PPP2R2C: variants seen among roughly 807,000 people sequenced by gnomAD.
PPP2R2C encodes protein phosphatase 2, regulatory subunit B, gamma.
In PPP2R2C, 10 loss-of-function variants were observed where a neutral mutation model predicts 45.3. The ratio of observed to expected loss-of-function variants is 0.22; its 90% CI spans 0.14 to 0.37. The LOEUF (loss-of-function observed/expected upper bound fraction) is 0.37, where lower values mean the gene tolerates loss of function less well. Ranked by LOEUF, PPP2R2C falls within the 10% of genes least tolerant of loss-of-function variation. PPP2R2C has a pLI of 1.00. For missense variants in PPP2R2C, 308 were observed against 619.7 expected (o/e 0.50, Z 5.34); for synonymous variants, 257 against 245.4 (o/e 1.05, Z -0.44).
At chr4:6,343,729 C>G (rs1711556998) in intron 6 of PPP2R2C, among the ~76,000 whole-genome samples, 2 of 152,144 alleles carry the variant, frequency 1.3e-5, no homozygotes, top group Non-Finnish European at 1.5e-5. Context: ...AAATTCTTCT[C>G]TCCCTCAAAA....
intron 1 of PPP2R2C, among the ~76,000 whole-genome samples, chr4:6,558,168 G>A (rs934058445): frequency 2.4e-4 from 36 of 152,176 alleles, no homozygotes; most frequent in Non-Finnish European, 4.3e-4. Context: ...TCCCAACACC[G>A]AGTGAGCGCC....
chr4:6,458,882 G>A (rs879450646), intron 1 of PPP2R2C, among the ~76,000 whole-genome samples: 1 of 152,136 alleles, frequency 6.6e-6, no homozygotes, highest in Non-Finnish European at 1.5e-5. Context: ...ATGTCTGTCA[G>A]TTATAAGCAA....
chr4:6,413,826 G>C (rs1718365746), intron 1 of PPP2R2C: 1 of 1,513,394 alleles, frequency 6.6e-7, no homozygotes, highest in South Asian at 1.2e-5. Context: ...GACTGTGCCG[G>C]GGCTCCCACT....
intron 6 of PPP2R2C, among the ~76,000 whole-genome samples, chr4:6,344,251 C>T (rs1439104570): frequency 6.6e-6 from 1 of 152,252 alleles, no homozygotes; most frequent in Non-Finnish European, 1.5e-5. Context: ...TTAACGTTCA[C>T]TGCAGCCCTG....
At chr4:6,496,682 T>C (rs190477523) in intron 2 of PPP2R2C, among the ~76,000 whole-genome samples, 1 of 151,992 alleles carries the variant, frequency 6.6e-6, no homozygotes, top group East Asian at 1.9e-4. Flanking sequence ...ACCAACATGG[T>C]GAAACCCTAT....
chr4:6,405,955 C>CT (rs1359531447), intron 1 of PPP2R2C, among the ~76,000 whole-genome samples: 4 of 152,086 alleles, frequency 2.6e-5, no homozygotes, highest in Non-Finnish European at 5.9e-5. Flanking sequence ...AGGGGGGTCT[C>CT]TTTTTCCCTT....
intron 5 of PPP2R2C, chr4:6,349,340 A>G (rs986347183): frequency 6.1e-6 from 6 of 978,664 alleles, no homozygotes; most frequent in African/African-American, 5.3e-5. Flanking sequence ...GTTCCCAGCT[A>G]TCCATGCCTC....
At chr4:6,351,023 G>C in intron 5 of PPP2R2C, 1 of 985,354 alleles carries the variant, frequency 1.0e-6, no homozygotes, top group South Asian at 4.7e-5. Flanking sequence ...GTATGTAGGA[G>C]GCCAGGCACC....
intron 2 of PPP2R2C, among the ~76,000 whole-genome samples, chr4:6,533,174 T>G (rs1159914910): frequency 6.6e-6 from 1 of 152,158 alleles, no homozygotes; most frequent in Non-Finnish European, 1.5e-5. Context: ...TCTCAGGCTG[T>G]AAATGAAAGT....
chr4:6,337,922 T>A (rs960211299), intron 6 of PPP2R2C, among the ~76,000 whole-genome samples: 19 of 152,230 alleles, frequency 1.2e-4, no homozygotes, highest in African/African-American at 4.1e-4. Flanking sequence ...GTTCCTCTTT[T>A]TCTTTTTAGA....
chr4:6,372,418 T>C (rs1577119487), intron 5 of PPP2R2C, 105 bp downstream of exon 5: 1 of 1,256,506 alleles, frequency 8.0e-7, no homozygotes, highest in Non-Finnish European at 1.1e-6. Flanking sequence ...AGTTAAACAA[T>C]GCAGCCATCC....
intron 4 of PPP2R2C, among the ~76,000 whole-genome samples, chr4:6,373,164 A>C (rs1487917303): frequency 1.3e-5 from 2 of 152,194 alleles, no homozygotes; most frequent in Non-Finnish European, 2.9e-5. Flanking sequence ...GCCCTGATGC[A>C]GCTAAGCAGC....
chr4:6,432,249 A>G (rs1402318409), intron 1 of PPP2R2C, among the ~76,000 whole-genome samples: 4 of 152,064 alleles, frequency 2.6e-5, no homozygotes, highest in African/African-American at 4.8e-5. Flanking sequence ...GCCTCTCCTG[A>G]GCCATGTTCA....
intron 1 of PPP2R2C, among the ~76,000 whole-genome samples, chr4:6,387,899 G>A (rs951025927): frequency 2.6e-5 from 4 of 151,924 alleles, no homozygotes; most frequent in East Asian, 1.9e-4. Context: ...CAATCCCATC[G>A]ACCAATTATC....
intron 2 of PPP2R2C, among the ~76,000 whole-genome samples, chr4:6,508,571 G>A (rs1462012776): frequency 5.3e-5 from 8 of 151,574 alleles, no homozygotes; most frequent in African/African-American, 1.7e-4. Flanking sequence ...CCCTGGCGAC[G>A]GAGTGAGACT....
Position 6,345,959 on chromosome 4 carries a change from G to A in PPP2R2C, c.790+1887C>T, listed in dbSNP as rs1160566560. 3.9e-5 allele frequency among the ~76,000 whole-genome samples: 6 copies of A among 152,200 alleles called. No individual in the cohort carries two copies. Among genetic ancestry groups the A allele is most frequent in the Non-Finnish European group, 8.8e-5 (6 of 67,998 alleles). On this transcript the variant is annotated intron_variant, in intron 6 of 8. Coordinates refer to ENST00000382599, the MANE Select transcript of PPP2R2C (RefSeq NM_020416.4). The surrounding 1 kb of genome is among the most constrained non-coding windows in gnomAD (Gnocchi z 5.3). The stretch of plus-strand genomic sequence containing the variant: ...GGAACCCAATACGGGCCTCAGGCTC[G>A]CGGGTCTGAAACCTGCCTGCTGGTC...
chr4:6,501,637 G>C (rs1244950165), intron 2 of PPP2R2C, among the ~76,000 whole-genome samples: 2 of 152,208 alleles, frequency 1.3e-5, no homozygotes, highest in African/African-American at 2.4e-5. Flanking sequence ...ATCTAGAGAA[G>C]GAAGCAATGG....
rs1731499233 is a variant in PPP2R2C, at chr4:6,320,762, A to AC, written c.*2539dup. ...CCATGTATCCCACACCACCACCCCC[A>AC]CCACCACCACCACCAACAGCTTCGT... On this transcript the variant is annotated 3_prime_UTR_variant, in exon 9 of 9. Transcript: ENST00000382599. 7.9e-6 allele frequency: 1 copy of AC among 126,204 alleles called. No homozygotes were observed. Among genetic ancestry groups the AC allele is most frequent in the Non-Finnish European group, 1.7e-5 (1 of 60,218 alleles). The allele number at this position is 126,204 out of a possible 1,614,324, so 7.8% of individuals were successfully genotyped here. A position where few individuals can be genotyped will look rare whatever the true frequency, so the allele number is the denominator to read the frequency against.
At chr4:6,380,662 C>T (rs34195451) in intron 2 of PPP2R2C, among the ~76,000 whole-genome samples, 49,950 of 151,958 alleles carry the variant, frequency 0.33, 8,409 homozygotes, top group Middle Eastern at 0.39. Flanking sequence ...GGCAGCTCTC[C>T]GCAAACATCG....
Sources: gnomAD v4.1 joint callset for allele counts (sites outside exome capture counted in the v4.1 genomes callset) on GRCh38, gnomAD v4.1.1 for gene constraint, Gnocchi (gnomAD v3.1) non-coding constraint, MANE v1.5 for transcripts, NCBI Gene and HGNC (gene_info 2026-07-23, HGNC 2026-07-21) for gene names.